The following CNTNAP2 variants were observed in gnomAD, a reference collection of about 807,000 sequenced individuals.
CNTNAP2 encodes the protein contactin-associated protein-like 2.
A neutral mutation model predicts 155.2 loss-of-function variants in CNTNAP2; 98 were observed. The ratio of observed to expected loss-of-function variants is 0.63; its 90% CI spans 0.54 to 0.75. The LOEUF is 0.75. CNTNAP2 is among the 30% of genes least tolerant of loss of function. The pLI is 0.00. For missense variants in CNTNAP2, 1,727 were observed against 1,688.1 expected (o/e 1.02, Z -0.40); for synonymous variants, 651 against 631.2 (o/e 1.03, Z -0.47).
chr7:147,225,273 G>A (rs1424082944), intron 8 of CNTNAP2, among the ~76,000 whole-genome samples: 1 of 152,138 alleles, frequency 6.6e-6, no homozygotes, highest in Non-Finnish European at 1.5e-5. Context: ...CAAATGTTCT[G>A]TCTTGTAGCT....
At chr7:147,096,026 C>T (rs1251145324) in intron 4 of CNTNAP2, among the ~76,000 whole-genome samples, 4 of 152,302 alleles carry the variant, frequency 2.6e-5, no homozygotes, top group Non-Finnish European at 4.4e-5. Context: ...TAACCATGCT[C>T]TCTCTATTGA....
At position 148,147,625 on chromosome 7, in the gene CNTNAP2, C is replaced by T; in HGVS notation, c.2689C>T (p.Gln897Ter). ...AERNVKQASL[Q>*]VDRLPQQIRK... is the part of the protein sequence containing the mutation. ...GAGGAATGTCAAGCAGGCCAGCCTA[C>T]AGGTGGACCGGCTACCGCAGCAGAT... The change falls in exon 17 of 24, where the codon CAG (glutamine) becomes TAG (stop). Residue 897 changes from glutamine (Q) to a stop codon, truncating the protein, a stop_gained. Coordinates refer to ENST00000361727, the MANE Select transcript of CNTNAP2 (RefSeq NM_014141.6). LOFTEE classifies it high-confidence loss of function. 3 of 1,614,112 alleles carry T rather than the reference C, an allele frequency of 1.9e-6. No individual in the cohort carries two copies. Among genetic ancestry groups the T allele is most frequent in the Non-Finnish European group, 2.5e-6 (3 of 1,180,036 alleles).
chr7:147,237,630 G>T (rs2116630281), intron 8 of CNTNAP2, among the ~76,000 whole-genome samples: 1 of 152,264 alleles, frequency 6.6e-6, no homozygotes, highest in South Asian at 2.1e-4. Context: ...ATTCACTTGT[G>T]CATTTCCAGT....
intron 13 of CNTNAP2, among the ~76,000 whole-genome samples, chr7:147,886,981 A>T (rs553097470): frequency 2.0e-4 from 31 of 152,302 alleles, no homozygotes; most frequent in African/African-American, 2.4e-4. Context: ...TGTCACATCC[A>T]TGATACTCCA....
chr7:148,317,707 CT>C (rs1174138150), intron 21 of CNTNAP2, among the ~76,000 whole-genome samples: 217 of 144,922 alleles, frequency 1.5e-3, no homozygotes, highest in South Asian at 2.7e-3. Context: ...GAGCTCATTT[CT>C]TTTTTTTTTT....
chr7:146,193,575 C>T (rs542350653), intron 1 of CNTNAP2, among the ~76,000 whole-genome samples: 139 of 152,262 alleles, frequency 9.1e-4, no homozygotes, highest in African/African-American at 3.3e-3. Flanking sequence ...GCACCAAGTC[C>T]CTAGGCTGCA....
At chr7:146,714,247 G>C (rs1801149181) in intron 1 of CNTNAP2, among the ~76,000 whole-genome samples, 1 of 152,066 alleles carries the variant, frequency 6.6e-6, no homozygotes, top group African/African-American at 2.4e-5. Flanking sequence ...ACATCTGATT[G>C]CTTTACTAGA....
At chr7:146,278,439 G>T (rs1381246726) in intron 1 of CNTNAP2, among the ~76,000 whole-genome samples, 1 of 152,096 alleles carries the variant, frequency 6.6e-6, no homozygotes, top group Non-Finnish European at 1.5e-5. Context: ...CAAAGGAGAA[G>T]AAAAGTTTAA....
rs147564033 is a variant in CNTNAP2, at chr7:146,716,816, G to A, written c.98-57455G>A. Among the ~76,000 whole-genome samples the A allele has an allele frequency of 3.0e-3, 459 of 152,342 alleles. 1 individual carries two copies. Among genetic ancestry groups the A allele is most frequent in the African/African-American group, 0.01 (435 of 41,588 alleles). On this transcript the variant is annotated intron_variant, in intron 1 of 23. Transcript: ENST00000361727. ...GGAAGAAATGTTCATTAGTGAGGAA[G>A]GATAAAGCTTAAGCGGGAGCTTGGA...
intron 1 of CNTNAP2, among the ~76,000 whole-genome samples, chr7:146,207,807 C>T (rs907082850): frequency 2.6e-5 from 4 of 151,512 alleles, no homozygotes; most frequent in Non-Finnish European, 4.4e-5. Flanking sequence ...TTAATAATAG[C>T]GATTAGATGA....
At chr7:146,373,738 A>C (rs1228044795) in intron 1 of CNTNAP2, among the ~76,000 whole-genome samples, 1 of 152,188 alleles carries the variant, frequency 6.6e-6, no homozygotes, top group African/African-American at 2.4e-5. Flanking sequence ...GTCTCCAGAC[A>C]TAAAACATAA....
chr7:148,281,943 C>T (rs1456866633), intron 21 of CNTNAP2, among the ~76,000 whole-genome samples: 1 of 144,980 alleles, frequency 6.9e-6, no homozygotes, highest in Non-Finnish European at 1.5e-5. Flanking sequence ...TCAAGCAATT[C>T]TCCTGTGAGT....
intron 15 of CNTNAP2, chr7:147,978,306 C>T (rs1238135646): frequency 1.9e-5 from 7 of 368,508 alleles, no homozygotes; most frequent in South Asian, 7.1e-5. Context: ...TGTGATTCCA[C>T]GGAGTGCTGC....
intron 15 of CNTNAP2, among the ~76,000 whole-genome samples, chr7:148,032,162 A>G (rs987898249): frequency 3.9e-5 from 6 of 152,086 alleles, no homozygotes; most frequent in Non-Finnish European, 8.8e-5. Context: ...CCTGGAAGAG[A>G]TGTTCTGGAT....
chr7:147,447,339 G>T (rs1339406263), intron 10 of CNTNAP2, among the ~76,000 whole-genome samples: 1 of 152,130 alleles, frequency 6.6e-6, no homozygotes, highest in East Asian at 1.9e-4. Context: ...AACATACTTA[G>T]AAAAGAAGAT....
rs540750266 is a variant in CNTNAP2, at chr7:147,319,054, T to A, written c.1498+18764T>A. On this transcript the variant is annotated intron_variant, in intron 9 of 23. Coordinates refer to ENST00000361727, the MANE Select transcript of CNTNAP2 (RefSeq NM_014141.6). ...CATAGCACTTGTGTTTAAATGTACA[T>A]TTGTTACTTACAGTTACTAATAATT... is the stretch of plus-strand genomic sequence containing the variant. Among the ~76,000 whole-genome samples the A allele has an allele frequency of 4.6e-5, 7 of 152,284 alleles. No individual in the cohort carries two copies. In the South Asian group the frequency reaches 1.5e-3, roughly 32 times the overall value.
At chr7:146,349,871 A>C (rs1794885667) in intron 1 of CNTNAP2, among the ~76,000 whole-genome samples, 1 of 151,930 alleles carries the variant, frequency 6.6e-6, no homozygotes, top group African/African-American at 2.4e-5. Flanking sequence ...TTTGCAGGTA[A>C]CCCGACCTTT....
intron 3 of CNTNAP2, among the ~76,000 whole-genome samples, chr7:146,890,902 G>A (rs908950421): frequency 1.3e-5 from 2 of 152,044 alleles, no homozygotes; most frequent in African/African-American, 2.4e-5. Flanking sequence ...ATACCCAAAG[G>A]AAAATAAATC....
intron 1 of CNTNAP2, among the ~76,000 whole-genome samples, chr7:146,484,249 A>C (rs908634941): frequency 5.9e-5 from 9 of 152,330 alleles, no homozygotes; most frequent in Non-Finnish European, 8.8e-5. Flanking sequence ...TGATGTTCAC[A>C]TAATGAAATT....
Sources: gnomAD v4.1 joint callset for allele counts (sites outside exome capture counted in the v4.1 genomes callset) on GRCh38, gnomAD v4.1.1 for gene constraint, MANE v1.5 for transcripts, NCBI Gene and HGNC (gene_info 2026-07-23, HGNC 2026-07-21) for gene names.